The following DCUN1D5 variants were observed in gnomAD, a reference collection of about 807,000 sequenced individuals.
DCUN1D5 encodes DCN1-like protein 5.
Under a neutral mutation model 38.3 loss-of-function variants are expected in DCUN1D5, and 10 were observed. That is an observed-to-expected ratio of 0.26 (90% CI 0.16 to 0.44). The LOEUF is 0.44. Among genes scored for constraint, DCUN1D5 ranks in the 20% least tolerant of loss-of-function variants. The pLI is 1.00. For missense variants in DCUN1D5, 148 were observed against 275.3 expected, an observed-to-expected ratio of 0.54 and a Z score of 3.27; for synonymous variants, 93 against 90.9, an observed-to-expected ratio of 1.02 and a Z score of -0.13.
chr11:103,086,722 A>G lies in DCUN1D5; in HGVS notation c.178+2505T>C, dbSNP rs148361537. Among the ~76,000 whole-genome samples, 1 of 152,220 alleles carries G rather than the reference A, an allele frequency of 6.6e-6. No homozygotes were observed. Among genetic ancestry groups the G allele is most frequent in the African/African-American group, 2.4e-5 (1 of 41,464 alleles). On this transcript the variant is annotated intron_variant, in intron 2 of 7. Coordinates refer to ENST00000260247, the MANE Select transcript of DCUN1D5 (RefSeq NM_032299.4). This position sits in a 1 kb window ranked among gnomAD's most constrained non-coding sequence, Gnocchi z 4.1. The stretch of plus-strand genomic sequence containing the variant: ...GCACTATATATCCAGCACTCAGCAC[A>G]GTGCCTGACTCAAAACAAGTGCTCA...
In DCUN1D5 at chr11:103,063,731, T is replaced by C. The variant is rs1348614635; in HGVS notation, c.658+544A>G. 6.6e-6 allele frequency among the ~76,000 whole-genome samples: 1 copy of C among 152,166 alleles called. No homozygotes were observed. Among genetic ancestry groups the C allele is most frequent in the African/African-American group, 2.4e-5 (1 of 41,458 alleles). On this transcript the variant is annotated intron_variant, in intron 7 of 7. Transcript: ENST00000260247. The surrounding 1 kb of genome is among the most constrained non-coding windows in gnomAD (Gnocchi z 4.6). Reference sequence around the variant, plus strand: ...TTCAAAATCCTGTTTTATGGCATTCTAGCCTTTCCATGGAGGAGTATGGAC... The same window carrying C: ...TTCAAAATCCTGTTTTATGGCATTCCAGCCTTTCCATGGAGGAGTATGGAC...
At chr11:103,084,717 C>T (rs554622417) in intron 2 of DCUN1D5, among the ~76,000 whole-genome samples, 8 of 152,198 alleles carry the variant, frequency 5.3e-5, no homozygotes, top group South Asian at 2.1e-4. Context: ...GGCCCAGGCG[C>T]GGTGGCTCAT....
intron 4 of DCUN1D5, among the ~76,000 whole-genome samples, chr11:103,075,616 A>G (rs530484844): frequency 6.6e-6 from 1 of 152,298 alleles, no homozygotes; most frequent in African/African-American, 2.4e-5. Flanking sequence ...TCTTGACCTC[A>G]TGATCTGCCC....
Position 103,083,439 on chromosome 11 carries a change from T to A in DCUN1D5, c.179-113A>T, listed in dbSNP as rs1862618597. 2 of 587,818 alleles carry A rather than the reference T, an allele frequency of 3.4e-6. No homozygotes were observed. Among genetic ancestry groups the A allele is most frequent in the East Asian group, 5.7e-5 (2 of 35,282 alleles). 36.4% of individuals were successfully genotyped at this position (587,818 alleles called of 1,614,324 possible). A position where few individuals can be genotyped will look rare whatever the true frequency, so the allele number is the denominator to read the frequency against. ...ATAATATTTTGCAAATAATTAAATT[T>A]GAATTTTGGCATAGCTTTGATAAGT... On this transcript the variant is annotated intron_variant, in intron 2 of 7. Coordinates refer to ENST00000260247, the MANE Select transcript of DCUN1D5 (RefSeq NM_032299.4). This position sits in a 1 kb window ranked among gnomAD's most constrained non-coding sequence, Gnocchi z 4.4.
chr11:103,091,954 C>T lies in DCUN1D5; in HGVS notation c.-82G>A, dbSNP rs989064165. Reference sequence around the variant, plus strand: ...CTGGAAGCCCCTCAGCGCTGGCACCCAGTTCCCAGAGACAGCAGCAAGCGG... The same window carrying T: ...CTGGAAGCCCCTCAGCGCTGGCACCTAGTTCCCAGAGACAGCAGCAAGCGG... On this transcript the variant is annotated 5_prime_UTR_variant, in exon 1 of 8. Coordinates refer to ENST00000260247, the MANE Select transcript of DCUN1D5 (RefSeq NM_032299.4). The surrounding 1 kb of genome is among the most constrained non-coding windows in gnomAD (Gnocchi z 4.3). 2.2e-6 allele frequency: 3 copies of T among 1,349,986 alleles called. No homozygotes were observed. The African/African-American group carries it at 4.4e-5, about 20-fold the overall frequency. 83.6% of individuals were successfully genotyped at this position (1,349,986 alleles called of 1,614,324 possible).
At position 103,091,777 on chromosome 11, in the gene DCUN1D5, G is replaced by A. The variant is rs770277421; in HGVS notation, c.86+10C>T. 3.2e-5 allele frequency: 52 copies of A among 1,613,886 alleles called. No individual in the cohort carries two copies. The highest frequency in any genetic ancestry group is 4.2e-5 in the Non-Finnish European group (49 of 1,179,904). ...AGGAGGGAAGCTTGAAGGGTGGGGG[G>A]AGATGGTACCTGGAGATTTTACACT... is the stretch of plus-strand genomic sequence containing the variant. On this transcript the variant is annotated intron_variant, in intron 1 of 7. Coordinates refer to ENST00000260247, the MANE Select transcript of DCUN1D5 (RefSeq NM_032299.4). The surrounding 1 kb of genome is among the most constrained non-coding windows in gnomAD (Gnocchi z 4.3).
intron 4 of DCUN1D5, among the ~76,000 whole-genome samples, chr11:103,072,728 G>C (rs1415593303): frequency 6.8e-6 from 1 of 146,436 alleles, no homozygotes; most frequent in Non-Finnish European, 1.5e-5. Context: ...CTTGGACACA[G>C]GGTGGGGAAC....
At chr11:103,088,991 TTAATAG>T (rs1270455887) in intron 2 of DCUN1D5, among the ~76,000 whole-genome samples, 82 of 151,690 alleles carry the variant, frequency 5.4e-4, no homozygotes, top group Middle Eastern at 3.4e-3. Flanking sequence ...ACACGTTTTA[TTAATAG>T]TAAATGAGTT....
rs1437322536 is a variant in DCUN1D5 at position 103,078,647 on chromosome 11, T to C, written c.341+4101A>G. 6.6e-6 allele frequency among the ~76,000 whole-genome samples: 1 copy of C among 152,222 alleles called. No homozygotes were observed. Among genetic ancestry groups the C allele is most frequent in the East Asian group, 1.9e-4 (1 of 5,204 alleles). The stretch of plus-strand genomic sequence containing the variant: ...GCTAAAGCACTCTACAGTGAAGCCA[T>C]CACTCAAAATATTAGAATTCAAAAC... On this transcript the variant is annotated intron_variant, in intron 4 of 7. Coordinates refer to ENST00000260247, the MANE Select transcript of DCUN1D5 (RefSeq NM_032299.4). The surrounding 1 kb of genome is among the most constrained non-coding windows in gnomAD (Gnocchi z 4.6).
chr11:103,087,160 T>G lies in DCUN1D5; in HGVS notation c.178+2067A>C, dbSNP rs1200430077. On this transcript the variant is annotated intron_variant, in intron 2 of 7. Transcript: ENST00000260247. The surrounding 1 kb of genome is among the most constrained non-coding windows in gnomAD (Gnocchi z 4.1). ...GGGCAACATCGTGAAACCCCATTTCTTTTTTTCTTTTTCTTTTTTTTTTTT... is the reference window on the plus strand; with the variant it reads ...GGGCAACATCGTGAAACCCCATTTCGTTTTTTCTTTTTCTTTTTTTTTTTT... 6.8e-6 allele frequency among the ~76,000 whole-genome samples: 1 copy of G among 147,846 alleles called. No homozygotes were observed. The highest frequency in any genetic ancestry group is 6.7e-5 in the Admixed American group (1 of 15,036).
rs1055237218 is a variant in DCUN1D5 at position 103,058,415 on chromosome 11, G to C, written c.*3944C>G. ...AACATAAATAAATTGTGCTTTAAAA[G>C]ATCTAAAGATTTGTTCCAGTGAAGT... On this transcript the variant is annotated 3_prime_UTR_variant, in exon 8 of 8. Coordinates refer to ENST00000260247, the MANE Select transcript of DCUN1D5 (RefSeq NM_032299.4). 6.6e-6 allele frequency among the ~76,000 whole-genome samples: 1 copy of C among 152,116 alleles called. No homozygotes were observed. The highest frequency in any genetic ancestry group is 2.4e-5 in the African/African-American group (1 of 41,432).
intron 1 of DCUN1D5, among the ~76,000 whole-genome samples, chr11:103,090,683 C>A (rs1408592116): frequency 2.0e-5 from 3 of 152,142 alleles, no homozygotes; most frequent in Non-Finnish European, 2.9e-5. Flanking sequence ...GAGGCCGAGG[C>A]GGGCGGATCG....
chr11:103,084,434 C>T (rs530341166), intron 2 of DCUN1D5, among the ~76,000 whole-genome samples: 1 of 152,234 alleles, frequency 6.6e-6, no homozygotes, highest in East Asian at 1.9e-4. Flanking sequence ...GGTCTGAAGC[C>T]AAAACCCTTT....
rs1336019186 is a variant in DCUN1D5, at chr11:103,066,656, A to C, written c.342-89T>G. 6 of 694,058 alleles carry C rather than the reference A, an allele frequency of 8.6e-6. No homozygotes were observed. Among genetic ancestry groups the C allele is most frequent in the African/African-American group, 1.9e-5 (1 of 53,994 alleles). 43.0% of individuals were successfully genotyped at this position (694,058 alleles called of 1,614,324 possible). A position where few individuals can be genotyped will look rare whatever the true frequency, so the allele number is the denominator to read the frequency against. On this transcript the variant is annotated intron_variant, in intron 4 of 7. Transcript: ENST00000260247. The surrounding 1 kb of genome is among the most constrained non-coding windows in gnomAD (Gnocchi z 4.7). ...GGGTTAGACGTAATGCATTAAGAAA[A>C]AAGTGAGCGCATTTATGAAGTTAAT...
In DCUN1D5 at chr11:103,064,458, GTT is replaced by G; in HGVS notation, c.556-83_556-82del. On this transcript the variant is annotated intron_variant, in intron 6 of 7. Transcript: ENST00000260247. The surrounding 1 kb of genome is among the most constrained non-coding windows in gnomAD (Gnocchi z 4.5). ...CAATTTAGTAAACTAAGTTTTAACTGTTTTTGTGATTTGGTTTTTTCTAAAAC... is the reference window on the plus strand; with the variant it reads ...CAATTTAGTAAACTAAGTTTTAACTGTTTGTGATTTGGTTTTTTCTAAAAC... The G allele has an allele frequency of 9.1e-7, 1 of 1,102,736 alleles. No individual in the cohort carries two copies. Among genetic ancestry groups the G allele is most frequent in the Non-Finnish European group, 1.2e-6 (1 of 805,950 alleles). 68.3% of individuals were successfully genotyped at this position (1,102,736 alleles called of 1,614,324 possible). A position where few individuals can be genotyped will look rare whatever the true frequency, so the allele number is the denominator to read the frequency against.
rs1400383922 is a variant in DCUN1D5 at position 103,071,416 on chromosome 11, G to A, written c.342-4849C>T. 2.6e-5 allele frequency among the ~76,000 whole-genome samples: 4 copies of A among 151,186 alleles called. No individual in the cohort carries two copies. Among genetic ancestry groups the A allele is most frequent in the African/African-American group, 9.7e-5 (4 of 41,232 alleles). On this transcript the variant is annotated intron_variant, in intron 4 of 7. Coordinates refer to ENST00000260247, the MANE Select transcript of DCUN1D5 (RefSeq NM_032299.4). This position sits in a 1 kb window ranked among gnomAD's most constrained non-coding sequence, Gnocchi z 4.1. Reference sequence around the variant, plus strand: ...AACATATACAATGTATGATAGTAAGGGATCACAATGAACAACTCTCTACAC... The same window carrying A: ...AACATATACAATGTATGATAGTAAGAGATCACAATGAACAACTCTCTACAC...
Position 103,092,028 on chromosome 11 carries a change from C to T in DCUN1D5, c.-156G>A. ...CCGGCGCGGCCCAGCCCGGCCGCCG[C>T]CCGCTCCCAGGTATCCTCGTCGTCT... On this transcript the variant is annotated 5_prime_UTR_variant, in exon 1 of 8. Transcript: ENST00000260247. 1.5e-6 allele frequency: 1 copy of T among 647,782 alleles called. No individual in the cohort carries two copies. Among genetic ancestry groups the T allele is most frequent in the Non-Finnish European group, 2.6e-6 (1 of 382,004 alleles). 40.1% of individuals were successfully genotyped at this position (647,782 alleles called of 1,614,324 possible).
rs189609480 is a variant in DCUN1D5, at chr11:103,054,118, G to C, written c.*8241C>G. 6.6e-6 allele frequency: 1 copy of C among 152,030 alleles called. No homozygotes were observed. Among genetic ancestry groups the C allele is most frequent in the African/African-American group, 2.4e-5 (1 of 41,428 alleles). 9.4% of individuals were successfully genotyped at this position (152,030 alleles called of 1,614,324 possible). A position where few individuals can be genotyped will look rare whatever the true frequency, so the allele number is the denominator to read the frequency against. On this transcript the variant is annotated 3_prime_UTR_variant, in exon 8 of 8. Coordinates refer to ENST00000260247, the MANE Select transcript of DCUN1D5 (RefSeq NM_032299.4). ...TTCATGTCAAACTTCTCAAACTGAC[G>C]TAAGCCAGATAGAGAGAACCTCCCA...
At position 103,079,453 on chromosome 11, in the gene DCUN1D5, G is replaced by A. The variant is rs549536982; in HGVS notation, c.341+3295C>T. Among the ~76,000 whole-genome samples, 12 of 152,278 alleles carry A rather than the reference G, an allele frequency of 7.9e-5. No individual in the cohort carries two copies. In the East Asian group the frequency reaches 1.3e-3, roughly 17 times the overall value. The stretch of plus-strand genomic sequence containing the variant: ...ACAAAATTAAATTAAAATTAATACT[G>A]GGCAAAGTGGCTTACGCCTGTAATT... On this transcript the variant is annotated intron_variant, in intron 4 of 7. Transcript: ENST00000260247.
Sources: allele counts gnomAD v4.1 joint callset (sites outside exome capture counted in the v4.1 genomes callset), GRCh38; gene constraint gnomAD v4.1.1; non-coding constraint Gnocchi (gnomAD v3.1); transcripts MANE v1.5; gene names NCBI Gene and HGNC (gene_info 2026-07-23, HGNC 2026-07-21).